The following KIAA1549L variants were observed in gnomAD, a reference collection of about 807,000 sequenced individuals.
KIAA1549L encodes UPF0606 protein KIAA1549L.
In KIAA1549L, 88 loss-of-function variants were observed where a neutral mutation model predicts 160.7. The observed-to-expected ratio is 0.55, with a 90% CI of 0.46 to 0.65. The LOEUF is 0.65. KIAA1549L is among the 30% of genes least tolerant of loss of function. The pLI is 0.00. For missense variants in KIAA1549L, 2,258 were observed against 2,437.5 expected (o/e 0.93, Z 1.55); for synonymous variants, 950 against 976.7 (o/e 0.97, Z 0.51).
chr11:33,495,956 C>G (rs1205583062), intron 1 of KIAA1549L, among the ~76,000 whole-genome samples: 22 of 151,960 alleles, frequency 1.4e-4, no homozygotes, highest in Non-Finnish European at 1.5e-5. Context: ...TGTCCTTCGC[C>G]CACTTTTATT....
intron 1 of KIAA1549L, among the ~76,000 whole-genome samples, chr11:33,533,423 ATTCC>A (rs1382055097): frequency 1.8e-4 from 27 of 152,158 alleles, no homozygotes; most frequent in Non-Finnish European, 3.1e-4. Context: ...CACTTTCTTA[ATTCC>A]TTTTATGTTT....
At chr11:33,633,610 G>A (rs1310443908) in intron 16 of KIAA1549L, among the ~76,000 whole-genome samples, 4 of 152,188 alleles carry the variant, frequency 2.6e-5, no homozygotes, top group Non-Finnish European at 1.5e-5. Context: ...AAAAAAAGCA[G>A]GTGATGACTC....
intron 1 of KIAA1549L, among the ~76,000 whole-genome samples, chr11:33,385,868 G>A (rs1850163688): frequency 6.6e-6 from 1 of 151,488 alleles, no homozygotes; most frequent in Admixed American, 6.6e-5. Context: ...ATGTTTTTCA[G>A]TGCTTTGGCA....
At chr11:33,482,879 T>C (rs1852441484) in intron 1 of KIAA1549L, among the ~76,000 whole-genome samples, 1 of 152,160 alleles carries the variant, frequency 6.6e-6, no homozygotes, top group Non-Finnish European at 1.5e-5. Context: ...CTATACATTA[T>C]AAAGTAGTTT....
At chr11:33,453,739 A>G (rs1377220042) in intron 1 of KIAA1549L, among the ~76,000 whole-genome samples, 1 of 152,236 alleles carries the variant, frequency 6.6e-6, no homozygotes, top group Non-Finnish European at 1.5e-5. Context: ...TAGCTAAGAA[A>G]TATCAATACC....
chr11:33,437,338 A>C (rs1397639081), intron 1 of KIAA1549L, among the ~76,000 whole-genome samples: 1 of 152,206 alleles, frequency 6.6e-6, no homozygotes, highest in Non-Finnish European at 1.5e-5. Flanking sequence ...AAAAAGAAAA[A>C]AATGAGTTAT....
At chr11:33,384,850 A>G (rs1187589675) in intron 1 of KIAA1549L, among the ~76,000 whole-genome samples, 1 of 151,722 alleles carries the variant, frequency 6.6e-6, no homozygotes, top group African/African-American at 2.4e-5. Context: ...TAGTCTGGAT[A>G]CAAGTCTTTT....
At chr11:33,507,678 G>A (rs1853123583) in intron 1 of KIAA1549L, among the ~76,000 whole-genome samples, 1 of 152,132 alleles carries the variant, frequency 6.6e-6, no homozygotes, top group Non-Finnish European at 1.5e-5. Flanking sequence ...TACCTGACAA[G>A]GTATTTTTGA....
At chr11:33,432,726 C>T (rs1851275350) in intron 1 of KIAA1549L, among the ~76,000 whole-genome samples, 1 of 152,046 alleles carries the variant, frequency 6.6e-6, no homozygotes, top group Non-Finnish European at 1.5e-5. Context: ...GTACTGGTAC[C>T]AAAAGAGACA....
chr11:33,539,684 G>A (rs1305153246), intron 1 of KIAA1549L, among the ~76,000 whole-genome samples: 1 of 152,168 alleles, frequency 6.6e-6, no homozygotes, highest in East Asian at 1.9e-4. Flanking sequence ...TATGGAGAAA[G>A]AAAGTTCCGG....
At chr11:33,666,562 TG>T (rs1852462134) in intron 20 of KIAA1549L, among the ~76,000 whole-genome samples, 1 of 152,118 alleles carries the variant, frequency 6.6e-6, no homozygotes, top group African/African-American at 2.4e-5. Context: ...ATTAACATCA[TG>T]GGGTATGTGG....
At chr11:33,452,635 T>C (rs1851744758) in intron 1 of KIAA1549L, among the ~76,000 whole-genome samples, 1 of 152,058 alleles carries the variant, frequency 6.6e-6, no homozygotes, top group Non-Finnish European at 1.5e-5. Flanking sequence ...TGTATGTATG[T>C]ATGTATGGGC....
intron 1 of KIAA1549L, among the ~76,000 whole-genome samples, chr11:33,389,670 A>C (rs553060970): frequency 6.6e-6 from 1 of 152,322 alleles, no homozygotes; most frequent in African/African-American, 2.4e-5. Context: ...AGCAATAAAC[A>C]CATTTTAAAC....
At chr11:33,616,707 A>G (rs1300995567) in intron 15 of KIAA1549L, among the ~76,000 whole-genome samples, 1 of 152,134 alleles carries the variant, frequency 6.6e-6, no homozygotes, top group Non-Finnish European at 1.5e-5. Flanking sequence ...TTCTGTGACT[A>G]ACTTACTGTG....
rs927285407 is a variant in KIAA1549L, at chr11:33,673,431, G to A, written c.*5277G>A. On this transcript the variant is annotated 3_prime_UTR_variant, in exon 21 of 21. Coordinates refer to ENST00000658780, the MANE Select transcript of KIAA1549L (RefSeq NM_012194.3). ...CGCCCCCATCTCACACACAAACTGA[G>A]AAAAGATTTGTATCAAACAGAATCA... 1.3e-5 allele frequency: 2 copies of A among 152,036 alleles called. No individual in the cohort carries two copies. The highest frequency in any genetic ancestry group is 4.8e-5 in the African/African-American group (2 of 41,380). 9.4% of individuals were successfully genotyped at this position (152,036 alleles called of 1,614,324 possible).
Position 33,459,490 on chromosome 11 carries a change from A to G in KIAA1549L, c.239-82312A>G, listed in dbSNP as rs1851895535. Among the ~76,000 whole-genome samples, 4 of 152,202 alleles carry G rather than the reference A, an allele frequency of 2.6e-5. No individual in the cohort carries two copies. The South Asian group carries it at 8.3e-4, about 32-fold the overall frequency. ...AGTCCTGCCTTATGATGCTCAGCCC[A>G]GGAGGGTTGTTTGGTGCCACGGTGT... On this transcript the variant is annotated intron_variant, in intron 1 of 20. Coordinates refer to ENST00000658780, the MANE Select transcript of KIAA1549L (RefSeq NM_012194.3).
At chr11:33,397,206 C>T (rs1269189913) in intron 1 of KIAA1549L, among the ~76,000 whole-genome samples, 46 of 145,294 alleles carry the variant, frequency 3.2e-4, no homozygotes, top group Non-Finnish European at 5.0e-4. Context: ...TGGTGGCAGG[C>T]GCCTGTAGTC....
At chr11:33,611,297 C>T (rs552971775) in intron 15 of KIAA1549L, among the ~76,000 whole-genome samples, 1 of 130,670 alleles carries the variant, frequency 7.7e-6, no homozygotes. Flanking sequence ...ACACATTCTC[C>T]ACAGACTGGG....
intron 17 of KIAA1549L, among the ~76,000 whole-genome samples, chr11:33,655,347 C>G (rs181435328): frequency 1.3e-5 from 2 of 152,192 alleles, no homozygotes. Context: ...CCAGAAAGGT[C>G]ACCTGAGTTG....
Sources: allele counts gnomAD v4.1 joint callset (sites outside exome capture counted in the v4.1 genomes callset), GRCh38; gene constraint gnomAD v4.1.1; transcripts MANE v1.5; gene names NCBI Gene and HGNC (gene_info 2026-07-23, HGNC 2026-07-21).